ESRRB: variants seen among roughly 807,000 people sequenced by gnomAD.
ESRRB encodes estrogen related receptor beta, also known as steroid hormone receptor ERR2.
Under a neutral mutation model 46.0 loss-of-function variants are expected in ESRRB, and 16 were observed. The observed-to-expected ratio is 0.35, with a 90% CI of 0.24 to 0.53. The LOEUF (loss-of-function observed/expected upper bound fraction) is 0.53, where lower values mean the gene tolerates loss of function less well. ESRRB is among the 20% of genes least tolerant of loss of function. The probability of loss-of-function intolerance (pLI) is 0.93; values close to 1 mark genes in which losing one functional copy is unlikely to be tolerated. For missense variants in ESRRB, 488 were observed against 607.4 expected, an observed-to-expected ratio of 0.80 and a Z score of 2.07; for synonymous variants, 246 against 259.6, an observed-to-expected ratio of 0.95 and a Z score of 0.50.
At chr14:76,440,019 G>A (rs1222471197) in intron 2 of ESRRB, among the ~76,000 whole-genome samples, 2 of 152,112 alleles carry the variant, frequency 1.3e-5, no homozygotes, top group African/African-American at 4.8e-5. Context: ...CCACAGGAAT[G>A]CCAAACCCTG....
At chr14:76,397,592 G>T (rs1885746431) in intron 1 of ESRRB, among the ~76,000 whole-genome samples, 1 of 152,086 alleles carries the variant, frequency 6.6e-6, no homozygotes, top group Non-Finnish European at 1.5e-5. Flanking sequence ...ACAAAATTTG[G>T]GCAAAAATTG....
intron 2 of ESRRB, among the ~76,000 whole-genome samples, chr14:76,442,569 T>C (rs1198549182): frequency 6.6e-6 from 1 of 152,162 alleles, no homozygotes; most frequent in Non-Finnish European, 1.5e-5. Context: ...TGAGTTAATA[T>C]ATATAAAGCA....
At chr14:76,451,781 C>A (rs370409911) in intron 2 of ESRRB, among the ~76,000 whole-genome samples, 9 of 145,254 alleles carry the variant, frequency 6.2e-5, no homozygotes, top group African/African-American at 2.1e-4. Flanking sequence ...GGCCACCATG[C>A]CCAGCTAATT....
At chr14:76,340,944 TC>T (rs932101234) in intron 1 of ESRRB, among the ~76,000 whole-genome samples, 6 of 152,172 alleles carry the variant, frequency 3.9e-5, no homozygotes, top group Non-Finnish European at 8.8e-5. Flanking sequence ...AGCCTCAGTT[TC>T]CTCATGAGCA....
At chr14:76,422,986 A>C (rs544352569) in intron 1 of ESRRB, among the ~76,000 whole-genome samples, 48 of 152,248 alleles carry the variant, frequency 3.2e-4, no homozygotes, top group Non-Finnish European at 5.9e-4. Flanking sequence ...TTTGTGTTAA[A>C]ATTTAGTTTT....
At position 76,481,675 on chromosome 14, in the gene ESRRB, C is replaced by G. The variant is rs1426970683; in HGVS notation, c.578-341C>G. Among the ~76,000 whole-genome samples the G allele has an allele frequency of 2.6e-5, 4 of 152,320 alleles. No individual in the cohort carries two copies. In the East Asian group the frequency reaches 7.7e-4, roughly 29 times the overall value. ...AAGTTAACCCTCCCTGGATTCAAAG[C>G]AGATCTAACATAATGTGACTTCTTC... On this transcript the variant is annotated intron_variant, in intron 3 of 6. Transcript: ENST00000644823.
chr14:76,439,917 C>G (rs1223228064), intron 2 of ESRRB, among the ~76,000 whole-genome samples, 167 bp downstream of exon 2: 2 of 152,182 alleles, frequency 1.3e-5, no homozygotes. Context: ...CTCATTCTGG[C>G]ACTGGACAGC....
rs1595181070 is a variant in ESRRB at position 76,500,597 on chromosome 14, C to A, written c.*2139C>A. On this transcript the variant is annotated 3_prime_UTR_variant, in exon 7 of 7. Transcript: ENST00000644823. ...ACTGTGCTGTGTCCTTGCAGCGGGGCCGAGGTAGCACCCTGCTCTGTCACT... is the reference window on the plus strand; with the variant it reads ...ACTGTGCTGTGTCCTTGCAGCGGGGACGAGGTAGCACCCTGCTCTGTCACT... 2 of 1,249,050 alleles carry A rather than the reference C, an allele frequency of 1.6e-6. No homozygotes were observed. Among genetic ancestry groups the A allele is most frequent in the Admixed American group, 3.4e-5 (2 of 59,544 alleles). The allele number at this position is 1,249,050 out of a possible 1,614,324, so 77.4% of individuals were successfully genotyped here.
chr14:76,441,453 C>A (rs552903779), intron 2 of ESRRB, among the ~76,000 whole-genome samples: 2 of 152,264 alleles, frequency 1.3e-5, no homozygotes, highest in East Asian at 1.9e-4. Flanking sequence ...CCACTGGGAC[C>A]ACTGGTGCAC....
chr14:76,353,687 C>T (rs1017998427), intron 1 of ESRRB, among the ~76,000 whole-genome samples: 1 of 152,154 alleles, frequency 6.6e-6, no homozygotes, highest in South Asian at 2.1e-4. Flanking sequence ...TGTGGTGGCT[C>T]ATGCCTGTAA....
At chr14:76,324,973 T>A (rs1194910557) in intron 1 of ESRRB, among the ~76,000 whole-genome samples, 3 of 123,766 alleles carry the variant, frequency 2.4e-5, no homozygotes, top group South Asian at 2.8e-4. Context: ...CTTTTTTTTT[T>A]TTTTTTTTTT....
At chr14:76,476,052 CT>C (rs1210970501) in intron 3 of ESRRB, among the ~76,000 whole-genome samples, 2 of 151,494 alleles carry the variant, frequency 1.3e-5, no homozygotes, top group Non-Finnish European at 2.9e-5. Context: ...TGCAGAAAAT[CT>C]TTAAGAGTGA....
chr14:76,487,293 G>T (rs896220653), intron 5 of ESRRB, among the ~76,000 whole-genome samples: 23 of 152,162 alleles, frequency 1.5e-4, no homozygotes, highest in Non-Finnish European at 2.9e-4. Context: ...CCATTTTACA[G>T]AAGAGGAAAC....
chr14:76,447,861 T>A (rs1246805228), intron 2 of ESRRB, among the ~76,000 whole-genome samples: 1 of 152,130 alleles, frequency 6.6e-6, no homozygotes, highest in African/African-American at 2.4e-5. Context: ...CTACCTGTTC[T>A]CCCTGCTGCC....
intron 1 of ESRRB, among the ~76,000 whole-genome samples, chr14:76,315,245 T>C (rs1285355849): frequency 6.8e-6 from 1 of 146,496 alleles, no homozygotes; most frequent in East Asian, 2.1e-4. Flanking sequence ...TCGCCTGGTC[T>C]CCCTCCATGA....
At chr14:76,328,511 A>G (rs1434100670) in intron 1 of ESRRB, among the ~76,000 whole-genome samples, 1 of 151,974 alleles carries the variant, frequency 6.6e-6, no homozygotes, top group Middle Eastern at 3.2e-3. Flanking sequence ...GCCACCGTTC[A>G]TCTAAGGCCA....
At chr14:76,368,279 T>C (rs529167992), upstream of ESRRB, among the ~76,000 whole-genome samples, 2 of 152,152 alleles carry the variant, frequency 1.3e-5, no homozygotes, top group African/African-American at 4.8e-5. Context: ...GGCCCCAGTA[T>C]GCTTTCAAAG....
rs1275083623 is a variant in ESRRB, at chr14:76,482,968, T to A, written c.850+209T>A. Among the ~76,000 whole-genome samples the A allele has an allele frequency of 6.6e-6, 1 of 152,238 alleles. No homozygotes were observed. The highest frequency in any genetic ancestry group is 1.9e-4 in the East Asian group (1 of 5,204). ...AGAAGACCCAGTGAGGCTTATACAC[T>A]GCTGCAGGCTCTTCAGAATTAGTTA... On this transcript the variant is annotated intron_variant, in intron 5 of 6. Coordinates refer to ENST00000644823, the MANE Select transcript of ESRRB (RefSeq NM_001379180.1). This position sits in a 1 kb window ranked among gnomAD's most constrained non-coding sequence, Gnocchi z 4.3.
At chr14:76,436,669 T>C (rs1887688397) in intron 1 of ESRRB, among the ~76,000 whole-genome samples, 1 of 152,186 alleles carries the variant, frequency 6.6e-6, no homozygotes, top group Non-Finnish European at 1.5e-5. Flanking sequence ...CTGCAGCTGA[T>C]GGCCTGCCAG....
Sources: gnomAD v4.1 joint callset for allele counts (sites outside exome capture counted in the v4.1 genomes callset) on GRCh38, gnomAD v4.1.1 for gene constraint, Gnocchi (gnomAD v3.1) non-coding constraint, MANE v1.5 for transcripts, NCBI Gene and HGNC (gene_info 2026-07-23, HGNC 2026-07-21) for gene names.